The following TENM2 variants were observed in gnomAD, a reference collection of about 807,000 sequenced individuals.
TENM2 encodes the protein teneurin-2.
A neutral mutation model predicts 245.2 loss-of-function variants in TENM2; 52 were observed. The observed-to-expected ratio is 0.21, with a 90% confidence interval of 0.17 to 0.27. The LOEUF is 0.27. Ranked by LOEUF, TENM2 falls within the 10% of genes least tolerant of loss-of-function variation. The probability of loss-of-function intolerance (pLI) is 1.00; values close to 1 mark genes in which losing one functional copy is unlikely to be tolerated. For missense variants in TENM2, 3,046 were observed against 3,666.8 expected, an observed-to-expected ratio of 0.83 and a Z score of 4.37; for synonymous variants, 1,363 against 1,438.9, an observed-to-expected ratio of 0.95 and a Z score of 1.19.
At chr5:167,426,500 A>G (rs1763833783) in intron 2 of TENM2, among the ~76,000 whole-genome samples, 2 of 148,100 alleles carry the variant, frequency 1.4e-5, no homozygotes, top group African/African-American at 2.5e-5. Context: ...GCTTGAGCCC[A>G]AGTGTTTGAG....
chr5:167,203,612 A>G, the TENM2 span, among the ~76,000 whole-genome samples: 1 of 152,230 alleles, frequency 6.6e-6, no homozygotes, highest in Non-Finnish European at 1.5e-5. Context: ...AAGAAGGTGA[A>G]CAATAGAGGC....
the TENM2 span, among the ~76,000 whole-genome samples, chr5:167,135,542 T>C: frequency 2.2e-4 from 34 of 152,206 alleles, no homozygotes; most frequent in Middle Eastern, 3.4e-3. Context: ...TTTGGGAGGC[T>C]GAGGTGGGCA....
intron 2 of TENM2, among the ~76,000 whole-genome samples, chr5:167,562,050 C>T (rs751069625): frequency 2.0e-5 from 3 of 151,980 alleles, no homozygotes; most frequent in African/African-American, 4.8e-5. Context: ...TGGAGGGATT[C>T]GCTCTTGGAA....
At chr5:167,510,372 A>G (rs1376590087) in intron 2 of TENM2, among the ~76,000 whole-genome samples, 3 of 152,158 alleles carry the variant, frequency 2.0e-5, no homozygotes, top group African/African-American at 7.2e-5. Flanking sequence ...TTGTGATGCT[A>G]CTAGTGAATT....
At chr5:167,882,754 A>T (rs1395952963) in intron 3 of TENM2, among the ~76,000 whole-genome samples, 1 of 152,116 alleles carries the variant, frequency 6.6e-6, no homozygotes, top group South Asian at 2.1e-4. Flanking sequence ...TGATCCAATT[A>T]CCTCCACCTA....
At chr5:167,395,766 A>G (rs974993642) in intron 2 of TENM2, among the ~76,000 whole-genome samples, 1 of 152,166 alleles carries the variant, frequency 6.6e-6, no homozygotes, top group African/African-American at 2.4e-5. Context: ...TGAGAAAAAA[A>G]ATGATGTGGT....
chr5:167,612,312 C>T lies in TENM2; in HGVS notation c.502+236839C>T, dbSNP rs983584753. On this transcript the variant is annotated intron_variant, in intron 2 of 28. Coordinates refer to ENST00000518659, the Ensembl canonical transcript of TENM2. ...TACCTGTAGCGAGGACAGTTTCCAT[C>T]AAGACACGCATTTCCATGGAAACGA... 2.0e-5 allele frequency among the ~76,000 whole-genome samples: 3 copies of T among 152,030 alleles called. No homozygotes were observed. In the South Asian group the frequency reaches 6.2e-4, roughly 32 times the overall value.
chr5:167,452,961 A>ATATATATATATAT (rs1561968262), intron 2 of TENM2, among the ~76,000 whole-genome samples: 18 of 77,080 alleles, frequency 2.3e-4, no homozygotes, highest in South Asian at 1.4e-3. Context: ...ATATATATAT[A>ATATATATATATAT]TTTAAAAAAA....
At position 167,383,708 on chromosome 5, in the gene TENM2, C is replaced by G. The variant is rs183120754; in HGVS notation, c.502+8235C>G. ...TGTCTCTAAGATATGATTTGAGCAT[C>G]ATGATAAACTGGTGCAGGATAAAAA... On this transcript the variant is annotated intron_variant, in intron 2 of 28. Coordinates refer to ENST00000518659, the Ensembl canonical transcript of TENM2. Among the ~76,000 whole-genome samples, 825 of 123,136 alleles carry G rather than the reference C, an allele frequency of 6.7e-3. 9 individuals carry two copies. Among genetic ancestry groups the G allele is most frequent in the African/African-American group, 0.024 (781 of 32,698 alleles). The allele number at this position is 123,136 out of a possible 152,430, so 80.8% of individuals were successfully genotyped here. A position where few individuals can be genotyped will look rare whatever the true frequency, so the allele number is the denominator to read the frequency against.
At chr5:168,160,366 T>C (rs1350598751) in intron 12 of TENM2, among the ~76,000 whole-genome samples, 30 of 152,180 alleles carry the variant, frequency 2.0e-4, no homozygotes, top group Admixed American at 1.9e-3. Context: ...AGGAAAAGCA[T>C]GGAAATGTGA....
intron 2 of TENM2, among the ~76,000 whole-genome samples, chr5:167,631,715 C>T (rs1778887111): frequency 1.3e-5 from 2 of 152,228 alleles, no homozygotes; most frequent in South Asian, 4.2e-4. Context: ...CTGGGCTTTG[C>T]CTATTCTATT....
In TENM2 at chr5:168,028,218, C is replaced by A. The variant is rs565995763; in HGVS notation, c.1187-19209C>A. On this transcript the variant is annotated intron_variant, in intron 5 of 28. Transcript: ENST00000518659. ...ATCACATGTCTCTAAGGAGCTTTGGCAAGAGTAGAATCACAATTTGATCCT... is the reference window on the plus strand; with the variant it reads ...ATCACATGTCTCTAAGGAGCTTTGGAAAGAGTAGAATCACAATTTGATCCT... Among the ~76,000 whole-genome samples the A allele has an allele frequency of 3.9e-5, 6 of 152,280 alleles. No homozygotes were observed. The South Asian group carries it at 1.2e-3, about 32-fold the overall frequency.
intron 1 of TENM2, among the ~76,000 whole-genome samples, chr5:167,336,855 C>T (rs1300028519): frequency 2.6e-5 from 4 of 151,128 alleles, no homozygotes; most frequent in African/African-American, 9.7e-5. Flanking sequence ...CGGTGGCTCA[C>T]GCCTGTAATC....
intron 1 of TENM2, among the ~76,000 whole-genome samples, chr5:167,286,600 C>A (rs72829312): frequency 6.6e-6 from 1 of 152,186 alleles, no homozygotes; most frequent in Non-Finnish European, 1.5e-5. Context: ...AGGTGATGCA[C>A]GTTCAACGTG....
At chr5:167,028,837 T>A in the TENM2 span, among the ~76,000 whole-genome samples, 1 of 152,136 alleles carries the variant, frequency 6.6e-6, no homozygotes, top group Non-Finnish European at 1.5e-5. Flanking sequence ...CAGTCGAAGC[T>A]CTGCCACTAA....
At chr5:168,024,668 GA>G (rs35881893) in intron 5 of TENM2, among the ~76,000 whole-genome samples, 1 of 152,048 alleles carries the variant, frequency 6.6e-6, no homozygotes, top group Non-Finnish European at 1.5e-5. Context: ...GGACAATTAA[GA>G]AAAAAATAGT....
the TENM2 span, among the ~76,000 whole-genome samples, chr5:167,279,566 CTTCTTTCT>C: frequency 8.5e-6 from 1 of 117,060 alleles, no homozygotes; most frequent in African/African-American, 3.4e-5. Context: ...TCCTTCCTTC[CTTCTTTCT>C]TCTGTTGTAT....
At chr5:168,008,855 T>C (rs1314363869) in intron 5 of TENM2, among the ~76,000 whole-genome samples, 1 of 152,222 alleles carries the variant, frequency 6.6e-6, no homozygotes, top group African/African-American at 2.4e-5. Flanking sequence ...TATGTAATTC[T>C]ACCAAGGCTG....
At chr5:167,057,880 T>A in the TENM2 span, among the ~76,000 whole-genome samples, 33 of 152,114 alleles carry the variant, frequency 2.2e-4, no homozygotes, top group African/African-American at 7.7e-4. Context: ...CTCACAAATA[T>A]GTTGGAGCCT....
Sources: gnomAD v4.1 joint callset for allele counts (sites outside exome capture counted in the v4.1 genomes callset) on GRCh38, gnomAD v4.1.1 for gene constraint, MANE v1.5 for transcripts, NCBI Gene and HGNC (gene_info 2026-07-23, HGNC 2026-07-21) for gene names.